TMTC1: variants seen among roughly 807,000 people sequenced by gnomAD.
The protein encoded by TMTC1 is protein O-mannosyl-transferase TMTC1.
In TMTC1, 73 loss-of-function variants were observed where a neutral mutation model predicts 104.8. The observed-to-expected ratio is 0.70, with a 90% confidence interval of 0.58 to 0.85. TMTC1 has a LOEUF of 0.85. TMTC1 is among the 40% of genes least tolerant of loss of function. The pLI, the probability that TMTC1 is intolerant of heterozygous loss-of-function variation, is 0.00. For synonymous variants in TMTC1, 434 were observed against 428.7 expected (o/e 1.01, Z -0.15); for missense variants, 1,035 against 1,096.1 (o/e 0.94, Z 0.79).
chr12:29,675,457 G>T (rs2136695787), intron 5 of TMTC1, among the ~76,000 whole-genome samples: 1 of 152,206 alleles, frequency 6.6e-6, no homozygotes, highest in Admixed American at 6.5e-5. Context: ...GGACAATCCT[G>T]GAAAAACCTG....
intron 15 of TMTC1, among the ~76,000 whole-genome samples, chr12:29,515,650 C>T (rs189064218): frequency 6.6e-6 from 1 of 152,136 alleles, no homozygotes; most frequent in East Asian, 1.9e-4. Context: ...AGAGGTAGCG[C>T]TTCATGATAT....
At chr12:29,648,062 T>A (rs1201475696) in intron 5 of TMTC1, among the ~76,000 whole-genome samples, 1 of 152,116 alleles carries the variant, frequency 6.6e-6, no homozygotes, top group Non-Finnish European at 1.5e-5. Flanking sequence ...AGAGTGGAGG[T>A]CAAAGGATCA....
chr12:29,758,674 A>G, intron 3 of TMTC1, 30 bp downstream of exon 3: 1 of 1,607,100 alleles, frequency 6.2e-7, no homozygotes, highest in Non-Finnish European at 8.5e-7. Flanking sequence ...AGTTGCGATC[A>G]CAGAGAAGGG....
chr12:29,745,240 G>A (rs949457413), intron 5 of TMTC1, among the ~76,000 whole-genome samples: 6 of 152,086 alleles, frequency 3.9e-5, no homozygotes, highest in African/African-American at 1.4e-4. Context: ...CCCTTCTGCA[G>A]TGCCCTAACA....
chr12:29,625,234 C>A (rs1937916346), intron 6 of TMTC1, among the ~76,000 whole-genome samples: 1 of 152,130 alleles, frequency 6.6e-6, no homozygotes, highest in African/African-American at 2.4e-5. Context: ...AAAGTTTAAT[C>A]CTCCTGTTTA....
chr12:29,566,662 G>A (rs540185271), intron 9 of TMTC1, among the ~76,000 whole-genome samples: 20 of 152,204 alleles, frequency 1.3e-4, no homozygotes, highest in Admixed American at 3.9e-4. Context: ...GACAGTGGAC[G>A]TGGAGGGAGG....
At chr12:29,664,064 G>A (rs1238030771) in intron 5 of TMTC1, among the ~76,000 whole-genome samples, 3 of 150,304 alleles carry the variant, frequency 2.0e-5, no homozygotes, top group Non-Finnish European at 4.5e-5. Flanking sequence ...GCGGGCGCCT[G>A]TAGTCCCAGC....
rs1292186736 is a variant in TMTC1, at chr12:29,506,958, T to C, written c.2537A>G (p.Tyr846Cys). Reference sequence around the variant, plus strand: ...TGGAACCAGCTGTAAGGCTCTCTCATAATAAGCTCTTGCAGACACATATTT... The same window carrying C: ...TGGAACCAGCTGTAAGGCTCTCTCACAATAAGCTCTTGCAGACACATATTT... ...KGKYVSARAY[Y>C]ERALQLVPDS... Residue 846 changes from tyrosine (Y) to cysteine (C), a missense_variant, in exon 18 of 18, where the codon TAT becomes TGT. Transcript: ENST00000539277. The C allele has an allele frequency of 6.2e-7, 1 of 1,613,824 alleles. No homozygotes were observed. Among genetic ancestry groups the C allele is most frequent in the Non-Finnish European group, 8.5e-7 (1 of 1,179,836 alleles).
chr12:29,776,668 G>C (rs1943715385), intron 1 of TMTC1, among the ~76,000 whole-genome samples: 1 of 152,200 alleles, frequency 6.6e-6, no homozygotes, highest in South Asian at 2.1e-4. Flanking sequence ...ACCTCATGGA[G>C]TTTACACTGT....
At chr12:29,686,680 C>T (rs753185266) in intron 5 of TMTC1, among the ~76,000 whole-genome samples, 8 of 150,058 alleles carry the variant, frequency 5.3e-5, no homozygotes, top group Non-Finnish European at 5.9e-5. Flanking sequence ...GCTATCTCAC[C>T]CTGGACTGGG....
At chr12:29,706,780 G>A (rs1416235996) in intron 5 of TMTC1, among the ~76,000 whole-genome samples, 1 of 152,002 alleles carries the variant, frequency 6.6e-6, no homozygotes, top group African/African-American at 2.4e-5. Flanking sequence ...TTTTTGATAT[G>A]CTTTCACTTG....
intron 5 of TMTC1, chr12:29,666,225 T>C: frequency 2.4e-6 from 1 of 413,120 alleles, no homozygotes; most frequent in South Asian, 1.7e-5. Flanking sequence ...TTTTTTCTTT[T>C]TTCTTTTTTT....
intron 5 of TMTC1, among the ~76,000 whole-genome samples, chr12:29,684,887 T>C (rs968026671): frequency 1.3e-5 from 2 of 152,190 alleles, no homozygotes; most frequent in African/African-American, 4.8e-5. Context: ...TTTTTCCAAC[T>C]CAATAGTTAA....
intron 5 of TMTC1, among the ~76,000 whole-genome samples, chr12:29,729,877 C>T (rs1243878833): frequency 6.6e-6 from 1 of 152,200 alleles, no homozygotes; most frequent in African/African-American, 2.4e-5. Context: ...AATTCATCTT[C>T]AGACTTAACA....
intron 9 of TMTC1, among the ~76,000 whole-genome samples, chr12:29,567,524 G>A (rs572384004): frequency 4.0e-4 from 61 of 152,192 alleles, no homozygotes; most frequent in Non-Finnish European, 7.6e-4. Context: ...AAATAATTTC[G>A]TGTCTACTTG....
Position 29,641,571 on chromosome 12 carries a change from G to A in TMTC1, c.939-8235C>T, listed in dbSNP as rs150614570. Among the ~76,000 whole-genome samples, 767 of 152,174 alleles carry A rather than the reference G, an allele frequency of 5.0e-3. 3 individuals are homozygous for A. The Middle Eastern group carries it at 0.055, about 11-fold the overall frequency. ...TACTTCATCAAGGGAACACACCGTG[G>A]GACAAAAGAATCTGAACAACAGCCT... On this transcript the variant is annotated intron_variant, in intron 5 of 17. Transcript: ENST00000539277.
intron 7 of TMTC1, among the ~76,000 whole-genome samples, chr12:29,596,111 C>T (rs1257564874): frequency 6.6e-6 from 1 of 152,130 alleles, no homozygotes; most frequent in East Asian, 1.9e-4. Context: ...GGTTCAAGCA[C>T]TTCTCCTGCC....
chr12:29,643,719 T>TATATATATTTATTATA (rs1591848969), intron 5 of TMTC1, among the ~76,000 whole-genome samples: 634 of 1,440 alleles, frequency 0.44, 232 homozygotes, highest in Admixed American at 0.57. Context: ...ATATATATAA[T>TATATATATTTATTATA]ATATAAATAT....
intron 7 of TMTC1, among the ~76,000 whole-genome samples, chr12:29,590,016 A>T (rs1219280302): frequency 6.6e-6 from 1 of 152,180 alleles, no homozygotes; most frequent in Non-Finnish European, 1.5e-5. Context: ...GGTTGGCAAT[A>T]ATTCAGGCTT....
Sources: allele counts gnomAD v4.1 joint callset (sites outside exome capture counted in the v4.1 genomes callset), GRCh38; gene constraint gnomAD v4.1.1; transcripts MANE v1.5; gene names NCBI Gene and HGNC (gene_info 2026-07-23, HGNC 2026-07-21).